The following PLCB1 variants were observed in gnomAD, a reference collection of about 807,000 sequenced individuals.
The protein encoded by PLCB1 is 1-phosphatidylinositol 4,5-bisphosphate phosphodiesterase beta-1.
In PLCB1, 46 loss-of-function variants were observed where a neutral mutation model predicts 161.8. The ratio of observed to expected loss-of-function variants is 0.28; its 90% CI spans 0.22 to 0.36. PLCB1 has a LOEUF of 0.36. Ranked by LOEUF, PLCB1 falls within the 10% of genes least tolerant of loss-of-function variation. The pLI, the probability that PLCB1 is intolerant of heterozygous loss-of-function variation, is 1.00. For missense variants in PLCB1, 1,016 were observed against 1,472.5 expected (o/e 0.69, Z 5.07); for synonymous variants, 517 against 503.7 (o/e 1.03, Z -0.35).
chr20:8,773,299 G>T (rs957750048), intron 26 of PLCB1, among the ~76,000 whole-genome samples: 4 of 152,162 alleles, frequency 2.6e-5, no homozygotes, highest in African/African-American at 9.7e-5. Flanking sequence ...TAGTCTTTCG[G>T]GAAGGGATTC....
chr20:8,801,914 G>T, intron 31 of PLCB1: 1 of 671,974 alleles, frequency 1.5e-6, no homozygotes. Flanking sequence ...TGTTGGAGCA[G>T]ATAAAGGCAA....
At chr20:8,307,552 G>GT (rs959232516) in intron 2 of PLCB1, among the ~76,000 whole-genome samples, 2 of 151,960 alleles carry the variant, frequency 1.3e-5, no homozygotes, top group East Asian at 1.9e-4. Context: ...GTTTTTGAGG[G>GT]TTTTTGGTGG....
intron 2 of PLCB1, among the ~76,000 whole-genome samples, chr20:8,343,609 A>G (rs13037679): frequency 0.16 from 25,079 of 152,170 alleles, 2,614 homozygotes; most frequent in Non-Finnish European, 0.23. Flanking sequence ...ACGATTCTCA[A>G]TGGATCATTT....
chr20:8,752,926 G>C (rs979605298), intron 23 of PLCB1, among the ~76,000 whole-genome samples: 2 of 151,948 alleles, frequency 1.3e-5, no homozygotes, highest in Non-Finnish European at 2.9e-5. Flanking sequence ...GACCTGGCCC[G>C]CACAGCAGGA....
chr20:8,313,123 AT>A (rs561199883), intron 2 of PLCB1, among the ~76,000 whole-genome samples: 2 of 152,074 alleles, frequency 1.3e-5, no homozygotes, highest in African/African-American at 4.8e-5. Context: ...AAGCACTAGC[AT>A]TTTTTTTAAT....
chr20:8,433,668 G>A lies in PLCB1; in HGVS notation c.246+62218G>A, dbSNP rs1002009191. ...GGACATAAAAGGGAGTTGGCATAGA[G>A]TTAATGTTCAGTAAATGACGAGTGT... On this transcript the variant is annotated intron_variant, in intron 3 of 31. Coordinates refer to ENST00000338037, the MANE Select transcript of PLCB1 (RefSeq NM_015192.4). Among the ~76,000 whole-genome samples, 19 of 146,714 alleles carry A rather than the reference G, an allele frequency of 1.3e-4. 4 individuals carry two copies. The highest frequency in any genetic ancestry group is 4.9e-4 in the African/African-American group (19 of 38,710).
chr20:8,626,501 A>G (rs954873130), intron 3 of PLCB1, among the ~76,000 whole-genome samples: 7 of 152,240 alleles, frequency 4.6e-5, no homozygotes, highest in Non-Finnish European at 8.8e-5. Context: ...AGAATTAGGC[A>G]GTAAAATAAT....
At chr20:8,460,354 T>G (rs1386250173) in intron 3 of PLCB1, among the ~76,000 whole-genome samples, 1 of 152,218 alleles carries the variant, frequency 6.6e-6, no homozygotes, top group East Asian at 1.9e-4. Context: ...ACCACAAGCC[T>G]GCTGACATTC....
At chr20:8,378,528 GCTAATGATCAT>G (rs1354816886) in intron 3 of PLCB1, among the ~76,000 whole-genome samples, 1 of 152,110 alleles carries the variant, frequency 6.6e-6, no homozygotes, top group Non-Finnish European at 1.5e-5. Flanking sequence ...GGTAAAACAT[GCTAATGATCAT>G]CTGAGTCTTC....
At chr20:8,539,660 C>CTTTCTTTCTTTCTTTCTT (rs1985215908) in intron 3 of PLCB1, among the ~76,000 whole-genome samples, 1 of 94,180 alleles carries the variant, frequency 1.1e-5, no homozygotes, top group Non-Finnish European at 2.1e-5. Context: ...TTCTTTCTTT[C>CTTTCTTTCTTTCTTTCTT]TTTCTTTCTT....
At chr20:8,509,239 A>G (rs2050089) in intron 3 of PLCB1, among the ~76,000 whole-genome samples, 1 of 151,826 alleles carries the variant, frequency 6.6e-6, no homozygotes, top group African/African-American at 2.4e-5. Flanking sequence ...GTGACCCCCC[A>G]CAAGTTCCTT....
intron 3 of PLCB1, among the ~76,000 whole-genome samples, chr20:8,507,241 G>C (rs1485329230): frequency 6.6e-6 from 1 of 152,046 alleles, no homozygotes. Context: ...GGGAGGACTT[G>C]GTCTTACTGT....
At chr20:8,710,869 C>CCTG (rs1453660496) in intron 12 of PLCB1, among the ~76,000 whole-genome samples, 3 of 152,080 alleles carry the variant, frequency 2.0e-5, no homozygotes, top group Non-Finnish European at 4.4e-5. Flanking sequence ...TATTGTCACA[C>CCTG]CTGCTACACT....
At chr20:8,728,930 A>G in intron 17 of PLCB1, 120 bp from the exon 18 acceptor site, 1 of 581,094 alleles carries the variant, frequency 1.7e-6, no homozygotes. Context: ...AAGTAGCCCA[A>G]CGAGATCATC....
intron 6 of PLCB1, among the ~76,000 whole-genome samples, chr20:8,648,242 A>G (rs140180289): frequency 1.3e-5 from 2 of 152,306 alleles, no homozygotes; most frequent in Non-Finnish European, 2.9e-5. Context: ...TCTGAGATTC[A>G]GATCTGTTCT....
At chr20:8,185,244 T>C (rs2051890596) in intron 2 of PLCB1, among the ~76,000 whole-genome samples, 1 of 152,214 alleles carries the variant, frequency 6.6e-6, no homozygotes, top group African/African-American at 2.4e-5. Flanking sequence ...ATTTCTTTTC[T>C]GGGCATTTAT....
intron 9 of PLCB1, among the ~76,000 whole-genome samples, chr20:8,676,715 A>G (rs1178052320): frequency 1.3e-5 from 2 of 152,204 alleles, no homozygotes; most frequent in African/African-American, 4.8e-5. Flanking sequence ...CAAGCACAGC[A>G]AACACATCCA....
intron 3 of PLCB1, among the ~76,000 whole-genome samples, chr20:8,558,419 A>T (rs977967644): frequency 2.0e-5 from 3 of 151,902 alleles, no homozygotes; most frequent in Non-Finnish European, 4.4e-5. Flanking sequence ...AGAATAAAGA[A>T]AAATGAACAG....
At chr20:8,717,569 G>A (rs912451786) in intron 13 of PLCB1, 102 bp from the exon 14 acceptor site, 5 of 839,600 alleles carry the variant, frequency 6.0e-6, no homozygotes, top group Non-Finnish European at 9.5e-6. Flanking sequence ...AGGTAGGGAA[G>A]AAGTCTAGAC....
Sources: gnomAD v4.1 joint callset for allele counts (sites outside exome capture counted in the v4.1 genomes callset) on GRCh38, gnomAD v4.1.1 for gene constraint, MANE v1.5 for transcripts, NCBI Gene and HGNC (gene_info 2026-07-23, HGNC 2026-07-21) for gene names.